The following LIPM variants were observed in gnomAD, a reference collection of about 807,000 sequenced individuals.
The protein encoded by LIPM is lipase member M.
LIPM carries 42 observed loss-of-function variants against 42.4 expected under a neutral mutation model. That is an observed-to-expected ratio of 0.99 (90% CI 0.77 to 1.28). LIPM has a LOEUF of 1.28. Among genes scored for constraint, LIPM ranks in the 50% most tolerant of loss-of-function variants. The pLI is 0.00. For missense variants in LIPM, 524 were observed against 520.1 expected, an observed-to-expected ratio of 1.01 and a Z score of -0.07; for synonymous variants, 177 against 173.3, an observed-to-expected ratio of 1.02 and a Z score of -0.17.
intron 2 of LIPM, among the ~76,000 whole-genome samples, chr10:88,811,767 A>G (rs1468224114): frequency 5.9e-5 from 9 of 152,148 alleles, no homozygotes; most frequent in Admixed American, 5.9e-4. Context: ...CGTGTATCTT[A>G]ATACTTTTTC....
chr10:88,802,777 A>T lies in LIPM; in HGVS notation c.-120A>T. ...CAACTAAGCTTGCCTAATTTGCTTC[A>T]GAATTGGAAGAGGGAATTGCAGCAG... On this transcript the variant is annotated 5_prime_UTR_variant, in exon 1 of 9. Coordinates refer to ENST00000404743, the MANE Select transcript of LIPM (RefSeq NM_001128215.1). The T allele has an allele frequency of 1.9e-6, 2 of 1,078,062 alleles. No homozygotes were observed. The highest frequency in any genetic ancestry group is 2.6e-6 in the Non-Finnish European group (2 of 762,502). The allele number at this position is 1,078,062 out of a possible 1,614,324, so 66.8% of individuals were successfully genotyped here.
Position 88,808,560 on chromosome 10 carries a change from T to C in LIPM, c.265+145T>C, listed in dbSNP as rs1332313277. ...TCAAAGGATGGTGTCAGTTCCCCCA[T>C]AGTCTCCATCACCACCACCGTGTCC... On this transcript the variant is annotated intron_variant, in intron 2 of 8. Transcript: ENST00000404743. The C allele has an allele frequency of 2.2e-5, 12 of 544,860 alleles. 1 individual carries two copies. In the South Asian group the frequency reaches 2.3e-4, roughly 11 times the overall value. The allele number at this position is 544,860 out of a possible 1,614,324, so 33.8% of individuals were successfully genotyped here.
At chr10:88,814,791 G>C (rs930694565) in intron 4 of LIPM, among the ~76,000 whole-genome samples, 152 bp downstream of exon 4, 6 of 152,098 alleles carry the variant, frequency 3.9e-5, no homozygotes, top group African/African-American at 1.4e-4. Context: ...CTAGCATATA[G>C]ACATATGTGC....
intron 8 of LIPM, 83 bp downstream of exon 8, chr10:88,817,979 A>G (rs945068287): frequency 2.9e-6 from 3 of 1,045,404 alleles, no homozygotes; most frequent in Non-Finnish European, 4.3e-6. Context: ...TTTATTCTAG[A>G]TATGGGAATA....
chr10:88,808,243 T>C (rs1843611692), intron 1 of LIPM, 55 bp from the exon 2 acceptor site: 3 of 979,270 alleles, frequency 3.1e-6, no homozygotes, highest in African/African-American at 3.2e-5. Flanking sequence ...TTTTGGATCA[T>C]TGAGAATATG....
At chr10:88,807,683 C>A (rs1444487608) in intron 1 of LIPM, among the ~76,000 whole-genome samples, 4 of 152,290 alleles carry the variant, frequency 2.6e-5, no homozygotes, top group South Asian at 2.1e-4. Flanking sequence ...ACAGAGGGAA[C>A]TTTAACCTGA....
At chr10:88,814,275 TA>T (rs1323640589) in intron 3 of LIPM, among the ~76,000 whole-genome samples, 1 of 152,158 alleles carries the variant, frequency 6.6e-6, no homozygotes, top group African/African-American at 2.4e-5. Context: ...ATGTGCTCAG[TA>T]AATATTCACT....
chr10:88,805,939 G>A (rs1843580958), intron 1 of LIPM: 1 of 456,548 alleles, frequency 2.2e-6, no homozygotes, highest in Non-Finnish European at 4.4e-6. Flanking sequence ...GAGCTATGGA[G>A]CTAAAACTGC....
intron 2 of LIPM, among the ~76,000 whole-genome samples, chr10:88,808,855 A>G (rs1843619613): frequency 6.6e-6 from 1 of 152,170 alleles, no homozygotes; most frequent in East Asian, 1.9e-4. Context: ...AAAATATTTA[A>G]GATGTTGCCT....
At chr10:88,813,386 A>G (rs1420827766) in intron 3 of LIPM, 91 bp downstream of exon 3, 3 of 1,085,656 alleles carry the variant, frequency 2.8e-6, no homozygotes, top group Non-Finnish European at 3.9e-6. Flanking sequence ...TGGTTGATTT[A>G]TTTTGGTTGA....
chr10:88,815,193 A>G lies in LIPM; in HGVS notation c.680A>G (p.Lys227Arg). The G allele has an allele frequency of 6.4e-7, 1 of 1,551,970 alleles. No individual in the cohort carries two copies. Among genetic ancestry groups the G allele is most frequent in the Non-Finnish European group, 8.7e-7 (1 of 1,147,046 alleles). ...TVKHAKSPGT[K>R]FLLLPDMMIK... ...AAGCATGCAAAAAGCCCCGGGACCA[A>G]ATTTTTGTTGCTGCCAGATATGATG... Residue 227 changes from lysine (K) to arginine (R), a missense_variant, in exon 5 of 9, where the codon AAA becomes AGA. By Grantham distance (26) the Lys-to-Arg change is conservative (BLOSUM62 2). Coordinates refer to ENST00000404743, the MANE Select transcript of LIPM (RefSeq NM_001128215.1).
In LIPM at chr10:88,820,416, C is replaced by T; in HGVS notation, c.1187C>T (p.Pro396Leu). The T allele has an allele frequency of 6.4e-7, 1 of 1,552,120 alleles. No homozygotes were observed. The highest frequency in any genetic ancestry group is 8.7e-7 in the Non-Finnish European group (1 of 1,147,056). Reference protein sequence around the residue: ...HVDFIWGLDAPHRMYNEIIHL... With the variant: ...HVDFIWGLDALHRMYNEIIHL... Reference sequence around the variant, plus strand: ...GATTTCATCTGGGGTTTGGATGCTCCTCACCGTATGTACAATGAAATCATC... The same window carrying T: ...GATTTCATCTGGGGTTTGGATGCTCTTCACCGTATGTACAATGAAATCATC... The change falls in exon 9 of 9, where the codon CCT becomes CTT. Residue 396 changes from proline to leucine, a missense_variant. Transcript: ENST00000404743.
At chr10:88,817,035 A>T (rs971710985) in intron 7 of LIPM, 148 bp downstream of exon 7, 5 of 673,442 alleles carry the variant, frequency 7.4e-6, no homozygotes, top group Non-Finnish European at 1.3e-5. Flanking sequence ...TTGATGGAGA[A>T]TTTGATCTAG....
intron 8 of LIPM, among the ~76,000 whole-genome samples, chr10:88,819,802 A>T (rs1843764991): frequency 6.6e-6 from 1 of 152,284 alleles, no homozygotes; most frequent in Admixed American, 6.5e-5. Flanking sequence ...GAAGATGCAG[A>T]GCCCTTCCCA....
chr10:88,814,465 C>T lies in LIPM; in HGVS notation c.465-65C>T, dbSNP rs303524. On this transcript the variant is annotated intron_variant, in intron 3 of 8. Coordinates refer to ENST00000404743, the MANE Select transcript of LIPM (RefSeq NM_001128215.1). ...AAGGGCTTGTTTGTAAACCTGGTGTCGGGGGGAGCTTTTGTTTGTTTCTGA... is the reference window on the plus strand; with the variant it reads ...AAGGGCTTGTTTGTAAACCTGGTGTTGGGGGGAGCTTTTGTTTGTTTCTGA... The T allele has an allele frequency of 3.7e-4, 404 of 1,085,770 alleles. 5 individuals carry two copies. The East Asian group carries it at 8.7e-3, about 23-fold the overall frequency. The allele number at this position is 1,085,770 out of a possible 1,614,324, so 67.3% of individuals were successfully genotyped here. A position where few individuals can be genotyped will look rare whatever the true frequency, so the allele number is the denominator to read the frequency against.
intron 1 of LIPM, chr10:88,806,090 A>G (rs1843582945): frequency 9.0e-6 from 4 of 442,014 alleles, no homozygotes; most frequent in Middle Eastern, 3.5e-4. Flanking sequence ...AGAAAATGAC[A>G]GCCAAGGGTG....
intron 1 of LIPM, among the ~76,000 whole-genome samples, chr10:88,807,912 G>T (rs887120995): frequency 1.8e-4 from 28 of 152,170 alleles, no homozygotes; most frequent in African/African-American, 6.5e-4. Context: ...TCAATGTTCT[G>T]ATCCAGTGGT....
chr10:88,803,828 C>T (rs898798042), intron 1 of LIPM, among the ~76,000 whole-genome samples: 33 of 152,050 alleles, frequency 2.2e-4, no homozygotes, highest in African/African-American at 7.7e-4. Context: ...ACAAGTTGAA[C>T]AAGGCCATAC....
intron 1 of LIPM, among the ~76,000 whole-genome samples, chr10:88,804,629 G>A (rs1317418403): frequency 2.6e-5 from 4 of 151,766 alleles, no homozygotes; most frequent in African/African-American, 9.7e-5. Flanking sequence ...TAGTTGCCCC[G>A]GCTGCTCATT....
Sources: gnomAD v4.1 joint callset for allele counts (sites outside exome capture counted in the v4.1 genomes callset) on GRCh38, gnomAD v4.1.1 for gene constraint, MANE v1.5 for transcripts, NCBI Gene and HGNC (gene_info 2026-07-23, HGNC 2026-07-21) for gene names.